The following CACNA1C variants were observed in gnomAD, a reference collection of about 807,000 sequenced individuals.
CACNA1C encodes the protein voltage-dependent L-type calcium channel subunit alpha-1C.
A neutral mutation model predicts 229.0 loss-of-function variants in CACNA1C; 30 were observed. The observed-to-expected ratio is 0.13, with a 90% CI of 0.10 to 0.18. The LOEUF is 0.18. Among genes scored for constraint, CACNA1C ranks in the 10% least tolerant of loss-of-function variants. The probability of loss-of-function intolerance (pLI) is 1.00; values close to 1 mark genes in which losing one functional copy is unlikely to be tolerated. For missense variants in CACNA1C, 1,658 were observed against 2,845.0 expected (o/e 0.58, Z 9.49); for synonymous variants, 1,114 against 1,132.5 (o/e 0.98, Z 0.33).
chr12:2,263,798 G>A (rs2081277125), intron 3 of CACNA1C, among the ~76,000 whole-genome samples: 1 of 152,080 alleles, frequency 6.6e-6, no homozygotes, highest in Non-Finnish European at 1.5e-5. Context: ...GCAGGAGCTG[G>A]TTGGGGTGGG....
intron 1 of CACNA1C, among the ~76,000 whole-genome samples, chr12:2,059,400 G>A (rs2056558539): frequency 6.6e-6 from 1 of 152,092 alleles, no homozygotes; most frequent in Admixed American, 6.5e-5. Flanking sequence ...GAGTCGGACC[G>A]AGGTTGAAAA....
rs759016757 is a variant in CACNA1C at position 2,654,918 on chromosome 12, C to T, written c.4141-229C>T. On this transcript the variant is annotated intron_variant, in intron 33 of 46. Transcript: ENST00000399655. This position sits in a 1 kb window ranked among gnomAD's most constrained non-coding sequence, Gnocchi z 4.4. ...GCTCCCACTGGGCTGCAGGGACCTT[C>T]CTGAGGCTGTGGGCACTTTGATTCT... Among the ~76,000 whole-genome samples, 171 of 152,294 alleles carry T rather than the reference C, an allele frequency of 1.1e-3. 2 individuals are homozygous for T. Among genetic ancestry groups the T allele is most frequent in the Non-Finnish European group, 6.5e-4 (44 of 68,030 alleles).
At chr12:2,169,820 T>G (rs1192741720) in intron 3 of CACNA1C, among the ~76,000 whole-genome samples, 1 of 152,236 alleles carries the variant, frequency 6.6e-6, no homozygotes, top group Non-Finnish European at 1.5e-5. Flanking sequence ...GTAACTCATA[T>G]GTGTTACAGC....
chr12:2,400,362 G>A (rs1435513643), intron 3 of CACNA1C, among the ~76,000 whole-genome samples: 2 of 152,164 alleles, frequency 1.3e-5, no homozygotes, highest in Non-Finnish European at 2.9e-5. Context: ...TCCAGGTGGT[G>A]CCTACGGGGC....
At position 2,597,467 on chromosome 12, in the gene CACNA1C, A is replaced by G. The variant is rs1424795137; in HGVS notation, c.2853+178A>G. On this transcript the variant is annotated intron_variant, in intron 21 of 46. Transcript: ENST00000399655. The surrounding 1 kb of genome is among the most constrained non-coding windows in gnomAD (Gnocchi z 4.3). ...AGGCAATGCAGACTATGTCTTCACTAGTATCTTTACATTAGAAATTATCCT... is the reference window on the plus strand; with the variant it reads ...AGGCAATGCAGACTATGTCTTCACTGGTATCTTTACATTAGAAATTATCCT... 1 of 1,609,308 alleles carries G rather than the reference A, an allele frequency of 6.2e-7. No individual in the cohort carries two copies. Among genetic ancestry groups the G allele is most frequent in the Non-Finnish European group, 8.5e-7 (1 of 1,175,668 alleles).
At position 2,575,439 on chromosome 12, in the gene CACNA1C, C is replaced by T. The variant is rs1233650112; in HGVS notation, c.1896-6151C>T. ...CTTAAGGGGCTGGGGCTCAATTTGA[C>T]GGAAGCTCTGCTCTGAGGACACCCC... On this transcript the variant is annotated intron_variant, in intron 13 of 46. Coordinates refer to ENST00000399655, the MANE Select transcript of CACNA1C (RefSeq NM_000719.7). The surrounding 1 kb of genome is among the most constrained non-coding windows in gnomAD (Gnocchi z 4.0). Among the ~76,000 whole-genome samples, 3 of 152,100 alleles carry T rather than the reference C, an allele frequency of 2.0e-5. No homozygotes were observed. The highest frequency in any genetic ancestry group is 4.4e-5 in the Non-Finnish European group (3 of 68,014).
chr12:2,382,349 A>G (rs991799027), intron 3 of CACNA1C, among the ~76,000 whole-genome samples: 3 of 152,248 alleles, frequency 2.0e-5, no homozygotes, highest in African/African-American at 7.2e-5. Flanking sequence ...ATTATCAAAG[A>G]AGCATGCATA....
intron 3 of CACNA1C, among the ~76,000 whole-genome samples, chr12:2,122,319 G>A (rs193072406): frequency 6.6e-6 from 1 of 152,286 alleles, no homozygotes; most frequent in Non-Finnish European, 1.5e-5. Flanking sequence ...TTATGGTATG[G>A]TAATGATACC....
chr12:2,574,736 C>G (rs1049044563), intron 13 of CACNA1C, among the ~76,000 whole-genome samples: 3 of 152,240 alleles, frequency 2.0e-5, no homozygotes, highest in Non-Finnish European at 4.4e-5. Context: ...CTTCTAGCCC[C>G]CACTCTTCTC....
intron 3 of CACNA1C, among the ~76,000 whole-genome samples, chr12:2,351,514 A>G (rs1208543434): frequency 6.6e-6 from 1 of 152,188 alleles, no homozygotes; most frequent in East Asian, 1.9e-4. Context: ...AATGGGTGGC[A>G]TAGGGCCTGC....
At chr12:2,049,978 G>T (rs1565373374), upstream of CACNA1C, among the ~76,000 whole-genome samples, 1 of 152,210 alleles carries the variant, frequency 6.6e-6, no homozygotes, top group East Asian at 1.9e-4. Flanking sequence ...GAAAAGAGAA[G>T]TGAAAAATGA....
chr12:2,140,879 A>G (rs991843223), intron 3 of CACNA1C, among the ~76,000 whole-genome samples: 1 of 151,442 alleles, frequency 6.6e-6, no homozygotes, highest in African/African-American at 2.4e-5. Context: ...TGGCAACTTC[A>G]TACACACCAT....
intron 1 of CACNA1C, among the ~76,000 whole-genome samples, chr12:2,079,078 A>G (rs1303424856): frequency 7.0e-6 from 1 of 143,016 alleles, no homozygotes; most frequent in Non-Finnish European, 1.5e-5. Flanking sequence ...GAATTGAACA[A>G]TGAGAACACA....
intron 3 of CACNA1C, among the ~76,000 whole-genome samples, chr12:2,281,541 T>A (rs1367278335): frequency 1.3e-5 from 2 of 152,206 alleles, no homozygotes; most frequent in Non-Finnish European, 1.5e-5. Context: ...CGAAGGATAT[T>A]TTTACTTAGT....
chr12:2,597,260 A>T lies in CACNA1C; in HGVS notation c.2824A>T (p.Thr942Ser), dbSNP rs369884505. 1 of 1,611,984 alleles carries T rather than the reference A, an allele frequency of 6.2e-7. No homozygotes were observed. Among genetic ancestry groups the T allele is most frequent in the South Asian group, 1.1e-5 (1 of 91,000 alleles). Residue 942 changes from threonine to serine, a missense_variant, in exon 21 of 47, where the codon ACC becomes TCC. Physicochemically the swap from Thr to Ser is moderately conservative, Grantham distance 58 (BLOSUM62 1). Coordinates refer to ENST00000399655, the MANE Select transcript of CACNA1C (RefSeq NM_000719.7). The surrounding 1 kb of genome is among the most constrained non-coding windows in gnomAD (Gnocchi z 4.3). ...GTTTTATTTTGATATTGTTTTTACC[A>T]CCATTTTCACCATTGAAATTGCTCT... is the stretch of plus-strand genomic sequence containing the variant. ...ILFYFDIVFTTIFTIEIALKM... is the reference protein window; with the variant it reads ...ILFYFDIVFTSIFTIEIALKM...
intron 1 of CACNA1C, among the ~76,000 whole-genome samples, chr12:2,055,492 C>T (rs2054333475): frequency 1.3e-5 from 2 of 152,310 alleles, no homozygotes; most frequent in South Asian, 4.2e-4. Context: ...GCAGGATAAA[C>T]CCCTTCTGAA....
chr12:2,024,143 A>G (rs2046927917), intron 1 of CACNA1C, among the ~76,000 whole-genome samples: 1 of 152,178 alleles, frequency 6.6e-6, no homozygotes, highest in Admixed American at 6.5e-5. Context: ...AGAGATATTT[A>G]CCTAGATCTT....
intron 3 of CACNA1C, among the ~76,000 whole-genome samples, chr12:2,203,794 G>T (rs182654853): frequency 4.5e-4 from 69 of 152,254 alleles, no homozygotes; most frequent in Non-Finnish European, 9.7e-4. Context: ...ATGCATTTGG[G>T]ATATGTTTTC....
chr12:2,113,308 G>T (rs560404301), intron 1 of CACNA1C, among the ~76,000 whole-genome samples: 3 of 152,322 alleles, frequency 2.0e-5, no homozygotes, highest in Admixed American at 6.5e-5. Context: ...TGGGGACGGG[G>T]TGGAGGTGGG....
Sources: allele counts gnomAD v4.1 joint callset (sites outside exome capture counted in the v4.1 genomes callset), GRCh38; gene constraint gnomAD v4.1.1; non-coding constraint Gnocchi (gnomAD v3.1); transcripts MANE v1.5; gene names NCBI Gene and HGNC (gene_info 2026-07-23, HGNC 2026-07-21).